ARHGEF28: variants seen among roughly 807,000 people sequenced by gnomAD.
ARHGEF28 encodes the protein 190 kDa guanine nucleotide exchange factor.
Under a neutral mutation model 206.6 loss-of-function variants are expected in ARHGEF28, and 152 were observed. The ratio of observed to expected loss-of-function variants is 0.74; its 90% CI spans 0.64 to 0.84. ARHGEF28 has a LOEUF of 0.84. Among genes scored for constraint, ARHGEF28 ranks in the 40% least tolerant of loss-of-function variants. ARHGEF28 has a pLI of 0.00. For missense variants in ARHGEF28, 2,028 were observed against 2,073.2 expected (o/e 0.98, Z 0.42); for synonymous variants, 763 against 776.4 (o/e 0.98, Z 0.29).
At chr5:73,653,125 C>G (rs1422906564) in intron 1 of ARHGEF28, among the ~76,000 whole-genome samples, 2 of 152,188 alleles carry the variant, frequency 1.3e-5, no homozygotes, top group Non-Finnish European at 2.9e-5. Flanking sequence ...CCCAGCGCCA[C>G]ACATCCAGTT....
chr5:73,704,022 T>TA (rs11386247), intron 2 of ARHGEF28, among the ~76,000 whole-genome samples: 111,266 of 144,832 alleles, frequency 0.77, 42,792 homozygotes, highest in African/African-American at 0.87. Flanking sequence ...AGACTCTGTC[T>TA]AAAAAAAAAA....
chr5:73,867,951 C>T lies in ARHGEF28; in HGVS notation c.2228C>T (p.Thr743Ile). Residue 743 changes from threonine (T) to isoleucine (I), a missense_variant, in exon 19 of 36, where the codon ACT (threonine) becomes ATT (isoleucine). Physicochemically the swap from Thr to Ile is moderately conservative, Grantham distance 89 (BLOSUM62 -1). Transcript: ENST00000513042. ...TCCTCCGTGCCTGTTGGATTGCCGA[C>T]TGGAAGGAGGGAGACTGTGGGACAG... The part of the protein sequence containing the change: ...PSSSVPVGLP[T>I]GRRETVGQVH... The T allele has an allele frequency of 6.2e-7, 1 of 1,614,026 alleles. No homozygotes were observed. The highest frequency in any genetic ancestry group is 1.1e-5 in the South Asian group (1 of 91,076).
rs1750860018 is a variant in ARHGEF28 at position 73,735,353 on chromosome 5, G to A, written c.34-14484G>A. Reference sequence around the variant, plus strand: ...TGTTAAGAATTTCCTAAGATAGGCAGGCACTGTTTTTATTCCTGTTTTACA... The same window carrying A: ...TGTTAAGAATTTCCTAAGATAGGCAAGCACTGTTTTTATTCCTGTTTTACA... On this transcript the variant is annotated intron_variant, in intron 2 of 35. Coordinates refer to ENST00000513042, the MANE Select transcript of ARHGEF28 (RefSeq NM_001177693.2). Among the ~76,000 whole-genome samples the A allele has an allele frequency of 2.0e-5, 3 of 152,078 alleles. No homozygotes were observed. In the South Asian group the frequency reaches 6.2e-4, roughly 32 times the overall value.
intron 1 of ARHGEF28, among the ~76,000 whole-genome samples, chr5:73,652,843 TCA>T (rs372864800): frequency 9.8e-5 from 15 of 152,292 alleles, no homozygotes; most frequent in African/African-American, 3.4e-4. Context: ...CCTCTCAGTA[TCA>T]CACAGTTAGA....
In ARHGEF28 at chr5:73,798,996, C is replaced by A. The variant is rs144914041; in HGVS notation, c.1024+3605C>A. Among the ~76,000 whole-genome samples, 41 of 152,200 alleles carry A rather than the reference C, an allele frequency of 2.7e-4. No homozygotes were observed. The East Asian group carries it at 6.6e-3, about 24-fold the overall frequency. ...TGCTACTTGGGGGGCTGAGGCAGGA[C>A]AATGGCTTGAACCTGGGAGGCAGAG... On this transcript the variant is annotated intron_variant, in intron 9 of 35. Transcript: ENST00000513042.
intron 35 of ARHGEF28, among the ~76,000 whole-genome samples, chr5:73,934,077 T>C (rs894853343): frequency 1.3e-5 from 2 of 152,204 alleles, no homozygotes; most frequent in African/African-American, 2.4e-5. Context: ...GTTGTGTTTT[T>C]TGTTTGTTTT....
rs753442395 is a variant in ARHGEF28, at chr5:73,753,102, G to A, written c.375G>A (p.Thr125=). ...CCCTGCTGACCCCATTTGCCTTGAC[G>A]GCAGGAGCACTGCCTGCCTTGGATG... ...HQTLLTPFAL[T]AGALPALDEE... The change falls in exon 4 of 36, where the codon ACG becomes ACA. Residue 125 remains threonine, a synonymous_variant. Transcript: ENST00000513042. The A allele has an allele frequency of 9.4e-6, 15 of 1,598,084 alleles. No homozygotes were observed. Among genetic ancestry groups the A allele is most frequent in the African/African-American group, 1.3e-5 (1 of 74,778 alleles).
chr5:73,883,041 T>C (rs1345166709), intron 23 of ARHGEF28, among the ~76,000 whole-genome samples: 1 of 152,198 alleles, frequency 6.6e-6, no homozygotes, highest in East Asian at 1.9e-4. Flanking sequence ...GTTTTTGATA[T>C]CTTAAAATTT....
chr5:73,882,061 T>A (rs1760988172), intron 22 of ARHGEF28, among the ~76,000 whole-genome samples: 1 of 142,196 alleles, frequency 7.0e-6, no homozygotes, highest in African/African-American at 2.7e-5. Context: ...TTAGCCAAAG[T>A]AAATGTCAAA....
chr5:73,718,493 G>C (rs575000113), intron 2 of ARHGEF28, among the ~76,000 whole-genome samples: 1 of 152,164 alleles, frequency 6.6e-6, no homozygotes, highest in Non-Finnish European at 1.5e-5. Flanking sequence ...AGTGTTGGAG[G>C]TGAGGGATTC....
rs1748072907 is a variant in ARHGEF28, at chr5:73,694,668, C to T, written c.33+9784C>T. Among the ~76,000 whole-genome samples, 4 of 152,342 alleles carry T rather than the reference C, an allele frequency of 2.6e-5. No homozygotes were observed. The East Asian group carries it at 5.8e-4, about 22-fold the overall frequency. Reference sequence around the variant, plus strand: ...CCTTCTCAGCAGTTCCTCCTGCTTACACCTGAGGAGGGTGTGCATGTTTTA... The same window carrying T: ...CCTTCTCAGCAGTTCCTCCTGCTTATACCTGAGGAGGGTGTGCATGTTTTA... On this transcript the variant is annotated intron_variant, in intron 2 of 35. Coordinates refer to ENST00000513042, the MANE Select transcript of ARHGEF28 (RefSeq NM_001177693.2).
chr5:73,627,516 T>G (rs906567624), intron 1 of ARHGEF28, among the ~76,000 whole-genome samples: 4 of 152,196 alleles, frequency 2.6e-5, no homozygotes, highest in African/African-American at 9.7e-5. Flanking sequence ...CTGGGAAACC[T>G]GGGAAGGTTT....
intron 4 of ARHGEF28, among the ~76,000 whole-genome samples, chr5:73,753,489 A>T (rs1752138466): frequency 6.6e-6 from 1 of 152,218 alleles, no homozygotes; most frequent in African/African-American, 2.4e-5. Context: ...CTGTGGCTCC[A>T]CTTCCCTTGG....
At chr5:73,810,605 A>T (rs552451173) in intron 9 of ARHGEF28, among the ~76,000 whole-genome samples, 3 of 152,328 alleles carry the variant, frequency 2.0e-5, no homozygotes, top group East Asian at 3.9e-4. Flanking sequence ...AATAGGCATG[A>T]GAATTGCTTG....
intron 35 of ARHGEF28, among the ~76,000 whole-genome samples, chr5:73,925,445 C>T (rs762443773): frequency 5.9e-5 from 9 of 152,232 alleles, no homozygotes; most frequent in Non-Finnish European, 1.0e-4. Context: ...TCCAGGGCCA[C>T]GTGCTTCCAC....
intron 2 of ARHGEF28, among the ~76,000 whole-genome samples, chr5:73,694,074 T>C (rs1748024598): frequency 6.6e-6 from 1 of 152,248 alleles, no homozygotes; most frequent in Non-Finnish European, 1.5e-5. Context: ...TCTCAGACTT[T>C]AGCAAAACCT....
chr5:73,871,491 T>G (rs969034833), intron 21 of ARHGEF28, among the ~76,000 whole-genome samples: 1 of 152,242 alleles, frequency 6.6e-6, no homozygotes, highest in East Asian at 1.9e-4. Context: ...ATATTTAAGG[T>G]TCTTTCCCAA....
chr5:73,858,981 C>T (rs1179137836), intron 16 of ARHGEF28, among the ~76,000 whole-genome samples: 2 of 152,158 alleles, frequency 1.3e-5, no homozygotes, highest in African/African-American at 2.4e-5. Flanking sequence ...TTAGGGCCTT[C>T]TCTGGCTGTT....
At chr5:73,923,803 C>T (rs887699874) in intron 35 of ARHGEF28, among the ~76,000 whole-genome samples, 2 of 152,038 alleles carry the variant, frequency 1.3e-5, no homozygotes, top group East Asian at 1.9e-4. Context: ...AGGAAAGTTT[C>T]AGAAAATATG....
Sources: gnomAD v4.1 joint callset for allele counts (sites outside exome capture counted in the v4.1 genomes callset) on GRCh38, gnomAD v4.1.1 for gene constraint, MANE v1.5 for transcripts, NCBI Gene and HGNC (gene_info 2026-07-23, HGNC 2026-07-21) for gene names.